The following FAM76A variants were observed in gnomAD, a reference collection of about 807,000 sequenced individuals.
The protein encoded by FAM76A is family with sequence similarity 76 member A.
In FAM76A, 32 loss-of-function variants were observed where a neutral mutation model predicts 46.2. The ratio of observed to expected loss-of-function variants is 0.69; its 90% confidence interval spans 0.52 to 0.93. The LOEUF is 0.93. Ranked by LOEUF, FAM76A falls within the 40% of genes least tolerant of loss-of-function variation. The pLI, the probability that FAM76A is intolerant of heterozygous loss-of-function variation, is 0.00. For synonymous variants in FAM76A, 137 were observed against 127.0 expected (o/e 1.08, Z -0.53); for missense variants, 274 against 361.5 (o/e 0.76, Z 1.96).
intron 8 of FAM76A, 152 bp downstream of exon 8, chr1:27,759,779 G>GTTTTTTTTTGTTTT (rs1553179888): frequency 1.8e-4 from 67 of 363,560 alleles, no homozygotes; most frequent in Middle Eastern, 1.5e-3. Context: ...TTTTTTTTTT[G>GTTTTTTTTTGTTTT]TTTTTTTTTT....
At chr1:27,750,946 A>G (rs2088322077) in intron 6 of FAM76A, among the ~76,000 whole-genome samples, 1 of 152,216 alleles carries the variant, frequency 6.6e-6, no homozygotes, top group Non-Finnish European at 1.5e-5. Context: ...AGGCTGGTGA[A>G]TCACCCAGGA....
At chr1:27,759,740 A>T in intron 8 of FAM76A, 113 bp downstream of exon 8, 1 of 750,260 alleles carries the variant, frequency 1.3e-6, no homozygotes. Flanking sequence ...CAAAGTATTA[A>T]CAAATCATGT....
At position 27,725,981 on chromosome 1, in the gene FAM76A, C is replaced by CGCAGCCAGCAGCCTGCA; in HGVS notation, c.-97_-81dup. The CGCAGCCAGCAGCCTGCA allele has an allele frequency of 1.0e-6, 1 of 971,730 alleles. No homozygotes were observed. The highest frequency in any genetic ancestry group is 1.3e-6 in the Non-Finnish European group (1 of 756,358). 60.2% of individuals were successfully genotyped at this position (971,730 alleles called of 1,614,324 possible). A position where few individuals can be genotyped will look rare whatever the true frequency, so the allele number is the denominator to read the frequency against. Reference sequence around the variant, plus strand: ...GACCCGCCTGCGCCCGCCCGCCTGCCGCAGCCAGCAGCCTGCAGCCGCCGC... The same window carrying CGCAGCCAGCAGCCTGCA: ...GACCCGCCTGCGCCCGCCCGCCTGCCGCAGCCAGCAGCCTGCAGCAGCCAGCAGCCTGCAGCCGCCGC... On this transcript the variant is annotated 5_prime_UTR_variant, in exon 1 of 9. Coordinates refer to ENST00000373954, the MANE Select transcript of FAM76A (RefSeq NM_152660.3).
At chr1:27,737,030 ACCT>A (rs1017662609) in intron 4 of FAM76A, among the ~76,000 whole-genome samples, 6 of 150,840 alleles carry the variant, frequency 4.0e-5, no homozygotes, top group Non-Finnish European at 8.9e-5. Flanking sequence ...GCTCACCACA[ACCT>A]CCACCTCCTA....
At chr1:27,753,394 A>G (rs1439105881) in intron 6 of FAM76A, among the ~76,000 whole-genome samples, 2 of 152,204 alleles carry the variant, frequency 1.3e-5, no homozygotes, top group African/African-American at 4.8e-5. Context: ...AGTTGAAGAA[A>G]GACAGGTCCT....
In FAM76A at chr1:27,754,249, G is replaced by T. The variant is rs148605322; in HGVS notation, c.600-946G>T. Among the ~76,000 whole-genome samples the T allele has an allele frequency of 5.3e-3, 813 of 152,032 alleles. 37 individuals carry two copies. The highest frequency in any genetic ancestry group is 0.047 in the Admixed American group (715 of 15,254). On this transcript the variant is annotated intron_variant, in intron 6 of 8. Transcript: ENST00000373954. The stretch of plus-strand genomic sequence containing the variant: ...AGCCTCCCAAGTAGCTGGGATTACA[G>T]GCATGCACCACCACGGCCAGCTAAT...
In FAM76A at chr1:27,734,175, A is replaced by G; in HGVS notation, c.346A>G (p.Arg116Gly). ...GTGTGCATTTGACAGGAAAGATGAT[A>G]GAAAGAAGGTAAATCTCTGTTTTTC... ...QQCAFDRKDDRKKVDGKLLCW... is the reference protein window; with the variant it reads ...QQCAFDRKDDGKKVDGKLLCW... The change falls in exon 4 of 9, where the codon AGA becomes GGA. Residue 116 changes from arginine to glycine, a missense_variant. By Grantham distance (125) the Arg-to-Gly change is moderately radical. Coordinates refer to ENST00000373954, the MANE Select transcript of FAM76A (RefSeq NM_152660.3). 3 of 1,574,622 alleles carry G rather than the reference A, an allele frequency of 1.9e-6. No individual in the cohort carries two copies. The highest frequency in any genetic ancestry group is 2.8e-5 in the African/African-American group (2 of 72,110).
Position 27,726,011 on chromosome 1 carries a change from TTG to T in FAM76A, c.-67_-66del. 8.5e-7 allele frequency: 1 copy of T among 1,171,962 alleles called. No individual in the cohort carries two copies. The highest frequency in any genetic ancestry group is 1.1e-6 in the Non-Finnish European group (1 of 936,044). 72.6% of individuals were successfully genotyped at this position (1,171,962 alleles called of 1,614,324 possible). A position where few individuals can be genotyped will look rare whatever the true frequency, so the allele number is the denominator to read the frequency against. On this transcript the variant is annotated 5_prime_UTR_variant, in exon 1 of 9. Coordinates refer to ENST00000373954, the MANE Select transcript of FAM76A (RefSeq NM_152660.3). ...CCAGCAGCCTGCAGCCGCCGCCGGG[TTG>T]TGCCTCAGACTGTCAGATAAATCGG...
chr1:27,726,232 G>A, intron 1 of FAM76A, 71 bp downstream of exon 1: 2 of 1,205,614 alleles, frequency 1.7e-6, no homozygotes, highest in Non-Finnish European at 2.1e-6. Context: ...AGATTCTGTG[G>A]GGACGCCCGG....
At chr1:27,757,104 T>G (rs1271663510) in intron 7 of FAM76A, among the ~76,000 whole-genome samples, 1 of 151,172 alleles carries the variant, frequency 6.6e-6, no homozygotes, top group Non-Finnish European at 1.5e-5. Context: ...CTTAATATTA[T>G]AATAATAATA....
At chr1:27,737,756 G>A (rs1054093464) in intron 4 of FAM76A, among the ~76,000 whole-genome samples, 2 of 151,712 alleles carry the variant, frequency 1.3e-5, no homozygotes, top group Non-Finnish European at 2.9e-5. Flanking sequence ...GCAGGCTGAG[G>A]TGGGAGAATC....
intron 5 of FAM76A, among the ~76,000 whole-genome samples, chr1:27,747,733 A>G (rs1005880409): frequency 1.3e-5 from 2 of 152,080 alleles, no homozygotes; most frequent in South Asian, 2.1e-4. Context: ...CTTGGCTCAC[A>G]TGGTGAAACC....
intron 6 of FAM76A, 121 bp downstream of exon 6, chr1:27,749,275 A>T: frequency 1.8e-6 from 1 of 552,478 alleles, no homozygotes; most frequent in Non-Finnish European, 3.2e-6. Flanking sequence ...CTTATAAGTA[A>T]GCAGTACTGA....
Position 27,762,887 on chromosome 1 carries a change from G to GT in FAM76A, c.*2310dup, listed in dbSNP as rs2088530071. On this transcript the variant is annotated 3_prime_UTR_variant, in exon 9 of 9. Transcript: ENST00000373954. Reference sequence around the variant, plus strand: ...CATTTAATATAAAGCAAATTCACACGTTTTCTAACTTTCCATAAGTTCCAA... The same window carrying GT: ...CATTTAATATAAAGCAAATTCACACGTTTTTCTAACTTTCCATAAGTTCCAA... 1 of 151,788 alleles carries GT rather than the reference G, an allele frequency of 6.6e-6. No individual in the cohort carries two copies. The highest frequency in any genetic ancestry group is 6.6e-5 in the Admixed American group (1 of 15,240). The allele number at this position is 151,788 out of a possible 1,614,324, so 9.4% of individuals were successfully genotyped here. A position where few individuals can be genotyped will look rare whatever the true frequency, so the allele number is the denominator to read the frequency against.
In FAM76A at chr1:27,760,877, CTTT is replaced by C; in HGVS notation, c.*317_*319del. On this transcript the variant is annotated 3_prime_UTR_variant, in exon 9 of 9. Coordinates refer to ENST00000373954, the MANE Select transcript of FAM76A (RefSeq NM_152660.3). ...GTTCTATTCTTTTTTTTTCTTTTTTCTTTTTTTTTTTTTTTTTTTTTTTGTGGT... is the reference window on the plus strand; with the variant it reads ...GTTCTATTCTTTTTTTTTCTTTTTTCTTTTTTTTTTTTTTTTTTTTGTGGT... 508 of 25,108 alleles carry C rather than the reference CTTT, an allele frequency of 0.02. 3 individuals are homozygous for C. Among genetic ancestry groups the C allele is most frequent in the African/African-American group, 0.087 (464 of 5,340 alleles). The allele number at this position is 25,108 out of a possible 1,614,324, so 1.6% of individuals were successfully genotyped here. A position where few individuals can be genotyped will look rare whatever the true frequency, so the allele number is the denominator to read the frequency against.
intron 5 of FAM76A, among the ~76,000 whole-genome samples, chr1:27,746,988 C>T (rs1482958048): frequency 6.6e-6 from 1 of 152,020 alleles, no homozygotes; most frequent in Non-Finnish European, 1.5e-5. Context: ...ATAGGAGGAT[C>T]GCTTTAAGCC....
chr1:27,739,933 T>C, intron 4 of FAM76A: 1 of 226,960 alleles, frequency 4.4e-6, no homozygotes, highest in Non-Finnish European at 8.8e-6. Flanking sequence ...ATAGGGTAAC[T>C]TACCCTTGGG....
intron 6 of FAM76A, among the ~76,000 whole-genome samples, chr1:27,751,381 CTTG>C (rs1421627266): frequency 6.6e-6 from 1 of 151,452 alleles, no homozygotes; most frequent in African/African-American, 2.4e-5. Flanking sequence ...GTCCTCTTTA[CTTG>C]TTGTGGGTTT....
At chr1:27,726,248 T>C (rs2148561229) in intron 1 of FAM76A, 87 bp downstream of exon 1, 1 of 1,145,982 alleles carries the variant, frequency 8.7e-7, no homozygotes, top group South Asian at 4.1e-5. Context: ...CCCGGCGGGG[T>C]CCCCGGAGCA....
Sources: allele counts gnomAD v4.1 joint callset (sites outside exome capture counted in the v4.1 genomes callset), GRCh38; gene constraint gnomAD v4.1.1; transcripts MANE v1.5; gene names NCBI Gene and HGNC (gene_info 2026-07-23, HGNC 2026-07-21).